The following TRAP1 variants were observed in gnomAD, a reference collection of about 807,000 sequenced individuals.
The protein encoded by TRAP1 is TNF receptor associated protein 1, also known as heat shock protein 75 kDa, mitochondrial.
TRAP1 carries 102 observed loss-of-function variants against 89.1 expected under a neutral mutation model. The observed-to-expected ratio is 1.15, with a 90% CI of 0.98 to 1.35. The LOEUF is 1.35. TRAP1 is among the 40% of genes most tolerant of loss of function. The pLI, the probability that TRAP1 is intolerant of heterozygous loss-of-function variation, is 0.00. For synonymous variants in TRAP1, 508 were observed against 388.0 expected, an observed-to-expected ratio of 1.31 and a Z score of -3.64; for missense variants, 1,256 against 945.3, an observed-to-expected ratio of 1.33 and a Z score of -4.31.
intron 1 of TRAP1, among the ~76,000 whole-genome samples, chr16:3,691,722 T>C (rs982910928): frequency 1.1e-4 from 16 of 151,646 alleles, no homozygotes; most frequent in Non-Finnish European, 4.4e-5. Context: ...ATTCTGAAAC[T>C]GTCTCATCTT....
chr16:3,708,552 G>T (rs1201133484), intron 1 of TRAP1, among the ~76,000 whole-genome samples: 2 of 152,032 alleles, frequency 1.3e-5, no homozygotes, highest in Non-Finnish European at 2.9e-5. Flanking sequence ...CAGGAGAAAT[G>T]CTTCAACCTG....
rs755460710 is a variant in TRAP1, at chr16:3,662,071, C to T, written c.1856G>A (p.Arg619His). ...CAGCTGCTGCATGCGCAGGAAGTGG[C>T]GGGCAGCCCCCATCTCCAGCACGGT... Reference protein sequence around the residue: ...MVTVLEMGAARHFLRMQQLAK... With the variant: ...MVTVLEMGAAHHFLRMQQLAK... Residue 619 changes from arginine to histidine, a missense_variant, in exon 16 of 18, where the codon CGC becomes CAC. Transcript: ENST00000246957. The T allele has an allele frequency of 1.7e-5, 28 of 1,613,174 alleles. No individual in the cohort carries two copies. The highest frequency in any genetic ancestry group is 2.1e-5 in the Non-Finnish European group (25 of 1,179,930).
At chr16:3,662,531 G>A (rs1289700326) in intron 15 of TRAP1, 17 of 533,534 alleles carry the variant, frequency 3.2e-5, no homozygotes, top group African/African-American at 9.4e-5. Context: ...CAAAACCCCC[G>A]ACTAAGCACC....
chr16:3,674,362 T>C lies in TRAP1; in HGVS notation c.1021A>G (p.Ser341Gly). Residue 341 changes from serine (S) to glycine (G), a missense_variant, in exon 9 of 18, where the codon AGC (serine) becomes GGC (glycine). Transcript: ENST00000246957. ...YKTDAPLNIR[S>G]IFYVPDMKPS... ...ACCATGTCGGGCACGTAGAAGATGC[T>C]GCGGATGTTGAGCGGTGCGTCCGTC... 1 of 1,614,046 alleles carries C rather than the reference T, an allele frequency of 6.2e-7. No homozygotes were observed. Among genetic ancestry groups the C allele is most frequent in the Non-Finnish European group, 8.5e-7 (1 of 1,180,020 alleles).
rs769027196 is a variant in TRAP1, at chr16:3,675,388, G to C, written c.824C>G (p.Thr275Arg). 2 of 1,613,990 alleles carry C rather than the reference G, an allele frequency of 1.2e-6. No homozygotes were observed. Among genetic ancestry groups the C allele is most frequent in the East Asian group, 2.2e-5 (1 of 44,880 alleles). Residue 275 changes from threonine (T) to arginine (R), a missense_variant, in exon 8 of 18, where the codon ACG (threonine) becomes AGG (arginine). Thr to Arg is a moderately conservative substitution (Grantham distance 71, BLOSUM62 -1). Transcript: ENST00000246957. ...GAAGCTGACGAAGTTGCTGTACTTC[G>C]TTACCACATCTGGAAGGGACAAAAG... ...SSEARVRDVV[T>R]KYSNFVSFPL... is the part of the protein sequence containing the mutation.
chr16:3,662,256 T>G lies in TRAP1; in HGVS notation c.1795-124A>C. ...GCAGGCGGGGTCTCAAGGACTCCCC[T>G]GGACCAGCGCTGCTCCCTCCCCATT... On this transcript the variant is annotated intron_variant, in intron 15 of 17. Coordinates refer to ENST00000246957, the MANE Select transcript of TRAP1 (RefSeq NM_016292.3). 4 of 1,189,476 alleles carry G rather than the reference T, an allele frequency of 3.4e-6. No individual in the cohort carries two copies. The South Asian group carries it at 6.1e-5, about 18-fold the overall frequency. The allele number at this position is 1,189,476 out of a possible 1,614,324, so 73.7% of individuals were successfully genotyped here.
intron 1 of TRAP1, among the ~76,000 whole-genome samples, chr16:3,698,996 C>T (rs1000228915): frequency 6.6e-6 from 1 of 152,186 alleles, no homozygotes; most frequent in Non-Finnish European, 1.5e-5. Flanking sequence ...GTTTCTCCTA[C>T]ACCCTAAAGG....
In TRAP1 at chr16:3,658,083, G is replaced by A. The variant is rs779516635; in HGVS notation, c.*46C>T. On this transcript the variant is annotated 3_prime_UTR_variant, in exon 18 of 18. Coordinates refer to ENST00000246957, the MANE Select transcript of TRAP1 (RefSeq NM_016292.3). Reference sequence around the variant, plus strand: ...AATTTAGGTAAATAAAGCTCAAGGAGGTGGGGCTGTCATCTGTGGTGTCAG... The same window carrying A: ...AATTTAGGTAAATAAAGCTCAAGGAAGTGGGGCTGTCATCTGTGGTGTCAG... 3 of 1,609,960 alleles carry A rather than the reference G, an allele frequency of 1.9e-6. No individual in the cohort carries two copies. The highest frequency in any genetic ancestry group is 1.1e-5 in the South Asian group (1 of 90,846).
At chr16:3,696,543 A>AT (rs781344401) in intron 1 of TRAP1, among the ~76,000 whole-genome samples, 19 of 152,080 alleles carry the variant, frequency 1.2e-4, no homozygotes, top group Admixed American at 2.6e-4. Flanking sequence ...CACCACAGCA[A>AT]TAACTGGCTG....
intron 1 of TRAP1, among the ~76,000 whole-genome samples, chr16:3,713,378 A>C (rs2051557624): frequency 6.6e-6 from 1 of 152,162 alleles, no homozygotes; most frequent in Non-Finnish European, 1.5e-5. Context: ...TTGGAAGATG[A>C]AACAAACTAG....
At chr16:3,708,686 C>T (rs748319939) in intron 1 of TRAP1, among the ~76,000 whole-genome samples, 5 of 150,288 alleles carry the variant, frequency 3.3e-5, no homozygotes, top group East Asian at 2.0e-4. Context: ...CATGGTGGCG[C>T]GTGCCTGTAA....
intron 1 of TRAP1, among the ~76,000 whole-genome samples, chr16:3,696,746 T>G (rs567025527): frequency 6.6e-6 from 1 of 151,584 alleles, no homozygotes; most frequent in East Asian, 1.9e-4. Flanking sequence ...TTTTTTTTTT[T>G]GACTGGGTCT....
At position 3,676,091 on chromosome 16, in the gene TRAP1, G is replaced by C; in HGVS notation, c.759C>G (p.Ile253Met). 1 of 1,613,924 alleles carries C rather than the reference G, an allele frequency of 6.2e-7. No individual in the cohort carries two copies. The change falls in exon 7 of 18, where the codon ATC (isoleucine) becomes ATG (methionine). Residue 253 changes from isoleucine to methionine, a missense_variant. Ile to Met is a conservative substitution (Grantham distance 10). Coordinates refer to ENST00000246957, the MANE Select transcript of TRAP1 (RefSeq NM_016292.3). ...EASGVRTGTK[I>M]IIHLKSDCKE... is the part of the protein sequence containing the mutation. Reference sequence around the variant, plus strand: ...TGCAGTCGGATTTCAGGTGGATGATGATTTTTGTCCCGGTTCTAACTCCCG... The same window carrying C: ...TGCAGTCGGATTTCAGGTGGATGATCATTTTTGTCCCGGTTCTAACTCCCG...
chr16:3,664,502 G>T, intron 12 of TRAP1, 43 bp from the exon 13 acceptor site: 1 of 1,562,678 alleles, frequency 6.4e-7, no homozygotes, highest in South Asian at 1.2e-5. Flanking sequence ...CAGGCCCATG[G>T]GCTCAATGTT....
At chr16:3,658,252 C>T in intron 17 of TRAP1, 22 bp from the exon 18 acceptor site, 1 of 1,592,964 alleles carries the variant, frequency 6.3e-7, no homozygotes, top group East Asian at 2.2e-5. Context: ...GAGGAGAAAC[C>T]CATTATGAGG....
At chr16:3,685,370 G>A (rs148002068) in intron 4 of TRAP1, among the ~76,000 whole-genome samples, 6 of 152,114 alleles carry the variant, frequency 3.9e-5, no homozygotes, top group Admixed American at 6.5e-5. Context: ...ATTCATTCAC[G>A]CGTGCCTGCA....
rs1042085708 is a variant in TRAP1, at chr16:3,670,436, C to G, written c.1235+1286G>C. On this transcript the variant is annotated intron_variant, in intron 11 of 17. Coordinates refer to ENST00000246957, the MANE Select transcript of TRAP1 (RefSeq NM_016292.3). The stretch of plus-strand genomic sequence containing the variant: ...ATCTAAGTGGCCAGGTGCAGTGGCT[C>G]ATGCCTGGAATCCCAGCACTTTGGG... Among the ~76,000 whole-genome samples the G allele has an allele frequency of 4.2e-5, 6 of 144,294 alleles. No individual in the cohort carries two copies. In the South Asian group the frequency reaches 9.0e-4, roughly 22 times the overall value. The allele number at this position is 144,294 out of a possible 152,430, so 94.7% of individuals were successfully genotyped here.
At chr16:3,706,577 A>G (rs561540691) in intron 1 of TRAP1, among the ~76,000 whole-genome samples, 77 of 148,416 alleles carry the variant, frequency 5.2e-4, no homozygotes, top group Admixed American at 1.3e-3. Context: ...CTCCCACCTC[A>G]GCCTCCCAAA....
intron 2 of TRAP1, among the ~76,000 whole-genome samples, chr16:3,690,616 G>C (rs1000637753): frequency 6.6e-6 from 1 of 152,176 alleles, no homozygotes; most frequent in Non-Finnish European, 1.5e-5. Context: ...CTCACGGGTG[G>C]CCACCAGAGG....
Sources: allele counts gnomAD v4.1 joint callset (sites outside exome capture counted in the v4.1 genomes callset), GRCh38; gene constraint gnomAD v4.1.1; transcripts MANE v1.5; gene names NCBI Gene and HGNC (gene_info 2026-07-23, HGNC 2026-07-21).